Variants in LANCL3 observed in about 807,000 individuals in gnomAD.
LANCL3 encodes lanC-like protein 3.
LANCL3 carries 19 observed loss-of-function variants against 26.5 expected under a neutral mutation model. That is an observed-to-expected ratio of 0.72 (90% CI 0.50 to 1.05). The LOEUF (loss-of-function observed/expected upper bound fraction) is 1.05. LANCL3 is among the 50% of genes least tolerant of loss of function. The pLI, the probability that LANCL3 is intolerant of heterozygous loss-of-function variation, is 0.00. For synonymous variants in LANCL3, 160 were observed against 166.6 expected, an observed-to-expected ratio of 0.96 and a Z score of 0.30; for missense variants, 318 against 362.7, an observed-to-expected ratio of 0.88 and a Z score of 1.00.
intron 1 of LANCL3, among the ~76,000 whole-genome samples, chrX:37,582,072 G>A (rs868922392): frequency 8.1e-5 from 9 of 111,303 alleles, no homozygotes; most frequent in African/African-American, 2.6e-4. Flanking sequence ...GAGAATGATG[G>A]TTTCCAGCTT....
At chrX:37,606,494 A>C (rs191746815) in intron 1 of LANCL3, among the ~76,000 whole-genome samples, 6 of 112,108 alleles carry the variant, frequency 5.4e-5, no homozygotes, top group African/African-American at 1.9e-4. Context: ...TCTCTACACC[A>C]TGCAGGAATA....
chrX:37,589,158 T>C (rs1924198177), intron 1 of LANCL3, among the ~76,000 whole-genome samples: 1 of 111,986 alleles, frequency 8.9e-6, no homozygotes, highest in African/African-American at 3.3e-5. Context: ...AATGTTTTTT[T>C]TTTCTTCTGA....
At chrX:37,576,465 T>A (rs1317991669) in intron 1 of LANCL3, among the ~76,000 whole-genome samples, 3 of 111,680 alleles carry the variant, frequency 2.7e-5, no homozygotes, top group Admixed American at 9.5e-5. Flanking sequence ...ACCTAGGATC[T>A]CAGTTAAAAT....
At chrX:37,615,318 T>C (rs191521440) in intron 1 of LANCL3, among the ~76,000 whole-genome samples, 65 of 112,403 alleles carry the variant, frequency 5.8e-4, no homozygotes, top group Non-Finnish European at 9.0e-4. Context: ...ATGGACCACA[T>C]TTTGAGAGGC....
intron 1 of LANCL3, among the ~76,000 whole-genome samples, chrX:37,625,788 T>C (rs1394067182): frequency 4.5e-5 from 5 of 111,363 alleles, no homozygotes; most frequent in Admixed American, 3.8e-4. Context: ...CTAGGTATAA[T>C]GTACAGAGGT....
intron 1 of LANCL3, among the ~76,000 whole-genome samples, chrX:37,613,931 C>G (rs781804001): frequency 8.9e-6 from 1 of 111,982 alleles, no homozygotes; most frequent in South Asian, 3.7e-4. Context: ...CTCGAACTGT[C>G]CCCTTTCTTC....
At chrX:37,611,292 T>C (rs1556421125) in intron 1 of LANCL3, among the ~76,000 whole-genome samples, 1 of 111,741 alleles carries the variant, frequency 8.9e-6, no homozygotes, top group Non-Finnish European at 1.9e-5. Context: ...AGCAGAGTGC[T>C]GATTAGCCTT....
intron 1 of LANCL3, among the ~76,000 whole-genome samples, chrX:37,627,587 G>C (rs928145995): frequency 8.1e-5 from 9 of 111,698 alleles, no homozygotes; most frequent in African/African-American, 2.9e-4. Context: ...GATTGCCAGG[G>C]AATCAGCATG....
chrX:37,640,384 C>T (rs1458576961), intron 1 of LANCL3, among the ~76,000 whole-genome samples: 1 of 111,192 alleles, frequency 9.0e-6, no homozygotes, highest in Non-Finnish European at 1.9e-5. Context: ...AAACTGAGAT[C>T]TGAGAACAGC....
intron 1 of LANCL3, among the ~76,000 whole-genome samples, chrX:37,634,100 C>T (rs1230036363): frequency 8.0e-5 from 9 of 112,749 alleles, no homozygotes; most frequent in South Asian, 7.3e-4. Flanking sequence ...TTCGAGCTTC[C>T]GGGCTCCTTT....
At chrX:37,588,925 C>T (rs1468845459) in intron 1 of LANCL3, among the ~76,000 whole-genome samples, 2 of 111,619 alleles carry the variant, frequency 1.8e-5, no homozygotes, top group Admixed American at 1.9e-4. Flanking sequence ...ATTCCCCGTG[C>T]TCAGTGGTGT....
chrX:37,599,054 A>G (rs1924513044), intron 1 of LANCL3, among the ~76,000 whole-genome samples: 1 of 112,328 alleles, frequency 8.9e-6, no homozygotes, highest in Non-Finnish European at 1.9e-5. Flanking sequence ...GGGACTTCGA[A>G]GTATCTAGAC....
intron 1 of LANCL3, among the ~76,000 whole-genome samples, chrX:37,576,658 A>G (rs1923756432): frequency 8.9e-6 from 1 of 111,757 alleles, no homozygotes; most frequent in South Asian, 3.8e-4. Flanking sequence ...TGGGTTCAGT[A>G]GTGAACCAAA....
chrX:37,634,261 T>A (rs1310784991), intron 1 of LANCL3, among the ~76,000 whole-genome samples: 22 of 112,576 alleles, frequency 2.0e-4, no homozygotes, highest in Admixed American at 1.7e-3. Flanking sequence ...AATCTCCTGG[T>A]GCGCCGTTTT....
intron 1 of LANCL3, among the ~76,000 whole-genome samples, chrX:37,608,164 T>C (rs1556420752): frequency 8.9e-6 from 1 of 112,007 alleles, no homozygotes; most frequent in Non-Finnish European, 1.9e-5. Flanking sequence ...AAAACCAAAG[T>C]CCAGAGAGAG....
chrX:37,625,442 C>G (rs1432622636), intron 1 of LANCL3, among the ~76,000 whole-genome samples: 2 of 110,791 alleles, frequency 1.8e-5, no homozygotes, highest in Non-Finnish European at 3.8e-5. Flanking sequence ...TCACAAATGC[C>G]AAGTTGAAGG....
At chrX:37,587,672 C>T (rs1172183346) in intron 1 of LANCL3, among the ~76,000 whole-genome samples, 9 of 112,602 alleles carry the variant, frequency 8.0e-5, no homozygotes, top group African/African-American at 2.6e-4. Flanking sequence ...GGGAGTGACC[C>T]GGTTTTCCAG....
At chrX:37,647,667 C>G (rs1165594464) in intron 1 of LANCL3, among the ~76,000 whole-genome samples, 12 of 112,372 alleles carry the variant, frequency 1.1e-4, no homozygotes, top group Non-Finnish European at 1.9e-4. Context: ...ATTTTGGACT[C>G]TTGCATGATA....
In LANCL3 at chrX:37,681,820, A is replaced by G. The variant is rs1439880721; in HGVS notation, c.*6007A>G. On this transcript the variant is annotated 3_prime_UTR_variant, in exon 5 of 5. Coordinates refer to ENST00000378619, the MANE Select transcript of LANCL3 (RefSeq NM_001170331.2). ...CCCATTTCTATTTATCTTTGTATTC[A>G]GAATCACCCGAGAGCCACAATATCT... The G allele has an allele frequency of 9.0e-6, 1 of 111,662 alleles. No individual in the cohort carries two copies. The highest frequency in any genetic ancestry group is 3.3e-5 in the African/African-American group (1 of 30,665). 9.2% of individuals were successfully genotyped at this position (111,662 alleles called of 1,213,427 possible).
Sources: allele counts gnomAD v4.1 joint callset (sites outside exome capture counted in the v4.1 genomes callset), GRCh38; gene constraint gnomAD v4.1.1; transcripts MANE v1.5; gene names NCBI Gene and HGNC (gene_info 2026-07-23, HGNC 2026-07-21).